Variants in PRMT8 observed in about 807,000 individuals in gnomAD.
PRMT8 encodes protein arginine methyltransferase 8, also known as protein arginine N-methyltransferase 8.
In PRMT8, 7 loss-of-function variants were observed where a neutral mutation model predicts 47.1. That is an observed-to-expected ratio of 0.15 (90% CI 0.08 to 0.28). PRMT8 has a LOEUF of 0.28. Among genes scored for constraint, PRMT8 ranks in the 10% least tolerant of loss-of-function variants. The pLI is 1.00. For synonymous variants in PRMT8, 188 were observed against 186.5 expected (o/e 1.01, Z -0.07); for missense variants, 237 against 505.4 (o/e 0.47, Z 5.09).
At chr12:3,447,478 C>T (rs567602632) in intron 1 of PRMT8, among the ~76,000 whole-genome samples, 2 of 152,242 alleles carry the variant, frequency 1.3e-5, no homozygotes, top group Admixed American at 6.5e-5. Context: ...ACAGCTGAGG[C>T]GCCCCCCTCT....
chr12:3,548,633 A>T (rs1866366827), intron 2 of PRMT8, among the ~76,000 whole-genome samples: 1 of 152,238 alleles, frequency 6.6e-6, no homozygotes, highest in Non-Finnish European at 1.5e-5. Flanking sequence ...GCAATGAGGC[A>T]TCAAATCAGT....
At chr12:3,460,450 T>A (rs1414137004) in intron 1 of PRMT8, among the ~76,000 whole-genome samples, 1 of 152,232 alleles carries the variant, frequency 6.6e-6, no homozygotes, top group South Asian at 2.1e-4. Flanking sequence ...TGTAGACTTG[T>A]AAACAACTTC....
rs1867371222 is a variant in PRMT8 at position 3,593,905 on chromosome 12, T to C, written c.*723T>C. 1 of 152,880 alleles carries C rather than the reference T, an allele frequency of 6.5e-6. No homozygotes were observed. Among genetic ancestry groups the C allele is most frequent in the African/African-American group, 2.4e-5 (1 of 41,450 alleles). The allele number at this position is 152,880 out of a possible 1,614,324, so 9.5% of individuals were successfully genotyped here. A position where few individuals can be genotyped will look rare whatever the true frequency, so the allele number is the denominator to read the frequency against. On this transcript the variant is annotated 3_prime_UTR_variant, in exon 10 of 10. Transcript: ENST00000382622. The surrounding 1 kb of genome is among the most constrained non-coding windows in gnomAD (Gnocchi z 4.8). ...AGTTCTGGTCTCCTTTTGACTGGAC[T>C]GTGGCTCTGAACCTTGAGCATAGTA...
At position 3,583,803 on chromosome 12, in the gene PRMT8, G is replaced by GC. The variant is rs1867117567; in HGVS notation, c.979+598dup. On this transcript the variant is annotated intron_variant, in intron 8 of 9. Coordinates refer to ENST00000382622, the MANE Select transcript of PRMT8 (RefSeq NM_019854.5). This position sits in a 1 kb window ranked among gnomAD's most constrained non-coding sequence, Gnocchi z 4.7. ...TGGCAAATGGGGATCCCATGGCCTG[G>GC]CCCTGGCCCACTCTCCAGCCTCATT... Among the ~76,000 whole-genome samples, 1 of 152,192 alleles carries GC rather than the reference G, an allele frequency of 6.6e-6. No individual in the cohort carries two copies. Among genetic ancestry groups the GC allele is most frequent in the Non-Finnish European group, 1.5e-5 (1 of 68,026 alleles).
At chr12:3,590,725 T>C (rs1015060377) in intron 8 of PRMT8, among the ~76,000 whole-genome samples, 1 of 152,016 alleles carries the variant, frequency 6.6e-6, no homozygotes, top group Admixed American at 6.5e-5. Flanking sequence ...CTGCAGTCTG[T>C]AGATTCCAAA....
At chr12:3,533,596 C>G (rs1019452343) in intron 1 of PRMT8, among the ~76,000 whole-genome samples, 9 of 152,222 alleles carry the variant, frequency 5.9e-5, no homozygotes, top group Admixed American at 3.3e-4. Flanking sequence ...CTTCCAGCCC[C>G]GAGGGTAAGA....
intron 1 of PRMT8, among the ~76,000 whole-genome samples, chr12:3,397,347 T>G (rs1035744080): frequency 5.9e-5 from 9 of 151,902 alleles, no homozygotes; most frequent in Admixed American, 3.9e-4. Context: ...TGGTTTTATC[T>G]ACTTTTGGTC....
At chr12:3,465,276 TA>T (rs5796053) in intron 1 of PRMT8, among the ~76,000 whole-genome samples, 2 of 143,662 alleles carry the variant, frequency 1.4e-5, no homozygotes, top group African/African-American at 2.5e-5. Flanking sequence ...TTTATAAAAA[TA>T]AAAAATATAT....
chr12:3,552,756 G>A lies in PRMT8; in HGVS notation c.418-895G>A, dbSNP rs764175256. 9 of 480,286 alleles carry A rather than the reference G, an allele frequency of 1.9e-5. No individual in the cohort carries two copies. In the Middle Eastern group the frequency reaches 1.6e-3, roughly 85 times the overall value. 29.8% of individuals were successfully genotyped at this position (480,286 alleles called of 1,614,324 possible). ...CAGAGGCGTCAGAAACTCCCTCAGTGCCCCTTTGCGAGTACTTCTCAAGGG... is the reference window on the plus strand; with the variant it reads ...CAGAGGCGTCAGAAACTCCCTCAGTACCCCTTTGCGAGTACTTCTCAAGGG... On this transcript the variant is annotated intron_variant, in intron 3 of 9. Coordinates refer to ENST00000382622, the MANE Select transcript of PRMT8 (RefSeq NM_019854.5). The surrounding 1 kb of genome is among the most constrained non-coding windows in gnomAD (Gnocchi z 4.5).
At chr12:3,498,533 C>T (rs1265333324) in intron 1 of PRMT8, among the ~76,000 whole-genome samples, 1 of 152,148 alleles carries the variant, frequency 6.6e-6, no homozygotes, top group African/African-American at 2.4e-5. Flanking sequence ...AGGGGCCTGA[C>T]ATAATTGTGG....
At chr12:3,452,459 C>T (rs1458346570) in intron 1 of PRMT8, among the ~76,000 whole-genome samples, 1 of 152,134 alleles carries the variant, frequency 6.6e-6, no homozygotes, top group Non-Finnish European at 1.5e-5. Flanking sequence ...CATTTTCCCA[C>T]CAGATAGATC....
At chr12:3,427,801 C>CT (rs1555078693) in intron 1 of PRMT8, among the ~76,000 whole-genome samples, 1 of 151,956 alleles carries the variant, frequency 6.6e-6, no homozygotes, top group South Asian at 2.1e-4. Context: ...TACCATATAA[C>CT]TTTTTTTTAC....
intron 1 of PRMT8, among the ~76,000 whole-genome samples, chr12:3,517,131 G>T (rs980620914): frequency 3.9e-5 from 6 of 152,206 alleles, no homozygotes; most frequent in Middle Eastern, 3.2e-3. Context: ...GGAACTGGGG[G>T]AGGGACCTGT....
chr12:3,581,937 A>G (rs1278465066), intron 7 of PRMT8, among the ~76,000 whole-genome samples: 1 of 152,180 alleles, frequency 6.6e-6, no homozygotes, highest in Admixed American at 6.5e-5. Flanking sequence ...AAGCCATTTC[A>G]TCGCTTTGCT....
At chr12:3,567,756 C>A (rs116258358) in intron 4 of PRMT8, among the ~76,000 whole-genome samples, 2,243 of 152,308 alleles carry the variant, frequency 0.015, 57 homozygotes, top group African/African-American at 0.051. Flanking sequence ...TGTTGACCAG[C>A]AGTCTTGCTG....
At chr12:3,470,689 A>G (rs56034160) in intron 1 of PRMT8, among the ~76,000 whole-genome samples, 16,057 of 103,738 alleles carry the variant, frequency 0.15, 929 homozygotes, top group African/African-American at 0.19. Flanking sequence ...CCCGGTGTCC[A>G]GGGCGGGGGG....
At chr12:3,483,547 T>C (rs1865294605) in intron 1 of PRMT8, among the ~76,000 whole-genome samples, 1 of 152,202 alleles carries the variant, frequency 6.6e-6, no homozygotes, top group Non-Finnish European at 1.5e-5. Context: ...GGGTTTTTGT[T>C]TCTCCATAGG....
intron 1 of PRMT8, among the ~76,000 whole-genome samples, chr12:3,484,487 A>G (rs868822633): frequency 8.5e-5 from 13 of 152,322 alleles, no homozygotes; most frequent in African/African-American, 3.1e-4. Context: ...TGCTATGGTT[A>G]AATACGGTCT....
chr12:3,457,749 A>G (rs943996488), intron 1 of PRMT8, among the ~76,000 whole-genome samples: 47 of 152,106 alleles, frequency 3.1e-4, no homozygotes, highest in African/African-American at 1.1e-3. Flanking sequence ...AGAATAATGT[A>G]GGAAACCAAT....
Sources: gnomAD v4.1 joint callset for allele counts (sites outside exome capture counted in the v4.1 genomes callset) on GRCh38, gnomAD v4.1.1 for gene constraint, Gnocchi (gnomAD v3.1) non-coding constraint, MANE v1.5 for transcripts, NCBI Gene and HGNC (gene_info 2026-07-23, HGNC 2026-07-21) for gene names.